The following VPS16 variants were observed in gnomAD, a reference collection of about 807,000 sequenced individuals.
VPS16 encodes VPS16 core subunit of CORVET and HOPS complexes.
VPS16 carries 82 observed loss-of-function variants against 116.0 expected under a neutral mutation model. The observed-to-expected ratio is 0.71, with a 90% CI of 0.59 to 0.85. VPS16 has a LOEUF of 0.85. Ranked by LOEUF, VPS16 falls within the 40% of genes least tolerant of loss-of-function variation. The pLI, the probability that VPS16 is intolerant of heterozygous loss-of-function variation, is 0.00. For synonymous variants in VPS16, 406 were observed against 420.7 expected, an observed-to-expected ratio of 0.96 and a Z score of 0.43; for missense variants, 928 against 1,090.6, an observed-to-expected ratio of 0.85 and a Z score of 2.10.
rs1401889088 is a variant in VPS16 at position 2,842,730 on chromosome 20, C to CTATATATAGATACATATAGATG, written c.53+1906_53+1907insATATAGATACATATAGATGTAT. Among the ~76,000 whole-genome samples, 4 of 78,316 alleles carry CTATATATAGATACATATAGATG rather than the reference C, an allele frequency of 5.1e-5. No individual in the cohort carries two copies. In the South Asian group the frequency reaches 1.6e-3, roughly 32 times the overall value. 51.4% of individuals were successfully genotyped at this position (78,316 alleles called of 152,430 possible). On this transcript the variant is annotated intron_variant, in intron 1 of 23. Transcript: ENST00000380445. ...TATATAGATAGACATATGGATGTATCTATCTATAGATACATATAGATGTAT... is the reference window on the plus strand; with the variant it reads ...TATATAGATAGACATATGGATGTATCTATATATAGATACATATAGATGTATCTATAGATACATATAGATGTAT...
chr20:2,842,970 A>T (rs2089023615), intron 1 of VPS16, among the ~76,000 whole-genome samples: 1 of 150,798 alleles, frequency 6.6e-6, no homozygotes, highest in Non-Finnish European at 1.5e-5. Flanking sequence ...AATAGAAGAC[A>T]TTTGTTTGTG....
In VPS16 at chr20:2,861,722, C is replaced by A. The variant is rs745557621; in HGVS notation, c.899+18C>A. The A allele has an allele frequency of 6.2e-7, 1 of 1,612,286 alleles. No individual in the cohort carries two copies. The highest frequency in any genetic ancestry group is 1.7e-5 in the Admixed American group (1 of 59,724). On this transcript the variant is annotated intron_variant, in intron 9 of 23. Coordinates refer to ENST00000380445, the MANE Select transcript of VPS16 (RefSeq NM_022575.4). The stretch of plus-strand genomic sequence containing the variant: ...AGCATCCAGTATCCTTGGAGGGCTG[C>A]CTGTGTGTGGAGAGAGGGGAGGGGA...
At chr20:2,853,993 A>C (rs1224303179) in intron 1 of VPS16, among the ~76,000 whole-genome samples, 1 of 152,096 alleles carries the variant, frequency 6.6e-6, no homozygotes, top group Non-Finnish European at 1.5e-5. Context: ...AGTGTTCTTA[A>C]TGGCATCTAC....
Position 2,862,231 on chromosome 20 carries a change from C to T in VPS16, c.1071+101C>T. 2.2e-6 allele frequency: 3 copies of T among 1,373,266 alleles called. No homozygotes were observed. The South Asian group carries it at 4.1e-5, about 19-fold the overall frequency. 85.1% of individuals were successfully genotyped at this position (1,373,266 alleles called of 1,614,324 possible). A position where few individuals can be genotyped will look rare whatever the true frequency, so the allele number is the denominator to read the frequency against. On this transcript the variant is annotated intron_variant, in intron 11 of 23. Coordinates refer to ENST00000380445, the MANE Select transcript of VPS16 (RefSeq NM_022575.4). ...GGTGCCACCTGTCAAGAGAGGGGTC[C>T]AGGCAGGACACTGGTCTGGGCTGGG... is the stretch of plus-strand genomic sequence containing the variant.
rs535653074 is a variant in VPS16, at chr20:2,859,288, C to CA, written c.54-425dup. Among the ~76,000 whole-genome samples, 748 of 152,230 alleles carry CA rather than the reference C, an allele frequency of 4.9e-3. 5 individuals are homozygous for CA. Among genetic ancestry groups the CA allele is most frequent in the African/African-American group, 0.017 (694 of 41,536 alleles). ...TGGGCAACACACTGAGACCCTCTCT[C>CA]AAAAAAGAAGGACTAGAAATAGAAG... On this transcript the variant is annotated intron_variant, in intron 1 of 23. Coordinates refer to ENST00000380445, the MANE Select transcript of VPS16 (RefSeq NM_022575.4).
chr20:2,852,293 G>A (rs746575086), intron 1 of VPS16, among the ~76,000 whole-genome samples: 3 of 152,034 alleles, frequency 2.0e-5, no homozygotes, highest in East Asian at 1.9e-4. Context: ...TCCTTCCAGC[G>A]CCCTCTGCTG....
rs767017554 is a variant in VPS16, at chr20:2,866,604, G to C, written c.*30G>C. On this transcript the variant is annotated 3_prime_UTR_variant, in exon 24 of 24. Transcript: ENST00000380445. ...TCCATCCTGTACATCTCAAGCAAGG[G>C]GTTCCTCCCCTAGCACCTGGGCTTG... 1 of 1,611,662 alleles carries C rather than the reference G, an allele frequency of 6.2e-7. No homozygotes were observed. Among genetic ancestry groups the C allele is most frequent in the Non-Finnish European group, 8.5e-7 (1 of 1,178,910 alleles).
At chr20:2,853,411 A>C (rs1409221607) in intron 1 of VPS16, among the ~76,000 whole-genome samples, 5 of 150,086 alleles carry the variant, frequency 3.3e-5, no homozygotes, top group Non-Finnish European at 7.4e-5. Flanking sequence ...CAACAACAAA[A>C]AAAAAAAACC....
Position 2,861,642 on chromosome 20 carries a change from G to A in VPS16, c.837G>A (p.Arg279=), listed in dbSNP as rs2089228945. The change falls in exon 9 of 24, where the codon AGG becomes AGA. Residue 279 remains arginine (R), a synonymous_variant. Coordinates refer to ENST00000380445, the MANE Select transcript of VPS16 (RefSeq NM_022575.4). ...GCAGCCGTCCTCGTAGCAAGGAGAG[G>A]GCCGTGGTGGTGGCCTGGGAAAGGC... ...VWCSRPRSKE[R]AVVVAWERRL... 6.2e-7 allele frequency: 1 copy of A among 1,612,978 alleles called. No individual in the cohort carries two copies. The highest frequency in any genetic ancestry group is 8.5e-7 in the Non-Finnish European group (1 of 1,179,852).
In VPS16 at chr20:2,861,879, A is replaced by AG; in HGVS notation, c.975dup (p.Phe326ValfsTer4). 8 of 1,613,746 alleles carry AG rather than the reference A, an allele frequency of 5.0e-6. No individual in the cohort carries two copies. Among genetic ancestry groups the AG allele is most frequent in the Non-Finnish European group, 6.8e-6 (8 of 1,179,918 alleles). ...CGCATCTTCTCCCGCAGCACCCACGAGTTCCTGCATGAGGTTCCAGGTGAG... is the reference window on the plus strand; with the variant it reads ...CGCATCTTCTCCCGCAGCACCCACGAGGTTCCTGCATGAGGTTCCAGGTGAG... On this transcript the variant is annotated frameshift_variant, in exon 10 of 24. Transcript: ENST00000380445. LOFTEE classifies it high-confidence loss of function.
rs1161165222 is a variant in VPS16, at chr20:2,861,855, G to A, written c.950G>A (p.Arg317His). The change falls in exon 10 of 24, where the codon CGC becomes CAC. Residue 317 changes from arginine to histidine, a missense_variant. Arg to His is a conservative substitution (Grantham distance 29, BLOSUM62 0). Coordinates refer to ENST00000380445, the MANE Select transcript of VPS16 (RefSeq NM_022575.4). ...CTGGTGCCTGAGCTCGATGGGGTCC[G>A]CATCTTCTCCCGCAGCACCCACGAG... ...SYLVPELDGV[R>H]IFSRSTHEFL... The A allele has an allele frequency of 3.1e-6, 5 of 1,613,570 alleles. No homozygotes were observed. The highest frequency in any genetic ancestry group is 2.2e-5 in the South Asian group (2 of 90,906).
chr20:2,841,112 G>T (rs561315878), intron 1 of VPS16: 1 of 494,988 alleles, frequency 2.0e-6, no homozygotes, highest in Non-Finnish European at 3.6e-6. Context: ...CAGCTCGCGG[G>T]TGACAGCGAG....
At position 2,863,439 on chromosome 20, in the gene VPS16, C is replaced by T; in HGVS notation, c.1476+41C>T. On this transcript the variant is annotated intron_variant, in intron 15 of 23. Coordinates refer to ENST00000380445, the MANE Select transcript of VPS16 (RefSeq NM_022575.4). This position sits in a 1 kb window ranked among gnomAD's most constrained non-coding sequence, Gnocchi z 4.4. ...GGGGTCCAAGGGCATTTAGAGGATT[C>T]CAGGCCCTGGTGAGGTGGAGGAAAT... 1 of 1,592,630 alleles carries T rather than the reference C, an allele frequency of 6.3e-7. No homozygotes were observed. Among genetic ancestry groups the T allele is most frequent in the Admixed American group, 1.7e-5 (1 of 59,890 alleles).
intron 1 of VPS16, among the ~76,000 whole-genome samples, chr20:2,842,719 T>TCCAG (rs1568620704): frequency 2.5e-5 from 2 of 80,402 alleles, no homozygotes; most frequent in Non-Finnish European, 4.8e-5. Context: ...TAGATAGACA[T>TCCAG]ATGGATGTAT....
chr20:2,842,008 G>A (rs1321651791), intron 1 of VPS16, among the ~76,000 whole-genome samples: 2 of 152,112 alleles, frequency 1.3e-5, no homozygotes, highest in Non-Finnish European at 2.9e-5. Context: ...ATCCACCTTG[G>A]CCTCCCAAAG....
intron 13 of VPS16, 23 bp downstream of exon 13, chr20:2,862,957 G>T (rs759384503): frequency 8.1e-6 from 13 of 1,613,570 alleles, no homozygotes; most frequent in African/African-American, 4.0e-5. Flanking sequence ...ACGCCAGAAG[G>T]GTACCCTACA....
At chr20:2,856,215 G>A (rs1057124829) in intron 1 of VPS16, among the ~76,000 whole-genome samples, 13 of 152,132 alleles carry the variant, frequency 8.5e-5, no homozygotes, top group Non-Finnish European at 1.6e-4. Context: ...AGAGAGAGAC[G>A]ATCGGGGAAC....
At chr20:2,851,294 G>A (rs1478390228) in intron 1 of VPS16, among the ~76,000 whole-genome samples, 1 of 152,154 alleles carries the variant, frequency 6.6e-6, no homozygotes, top group African/African-American at 2.4e-5. Flanking sequence ...CAGGCAGGAG[G>A]CCTGCAACAC....
rs2089268486 is a variant in VPS16, at chr20:2,863,537, C to T, written c.1476+139C>T. The T allele has an allele frequency of 6.1e-6, 5 of 817,356 alleles. No homozygotes were observed. Among genetic ancestry groups the T allele is most frequent in the South Asian group, 3.4e-5 (2 of 59,238 alleles). The allele number at this position is 817,356 out of a possible 1,614,324, so 50.6% of individuals were successfully genotyped here. ...CAACACTTTGGGAGGCTGAGGCGGG[C>T]GAATCACCTGAGGTCAGGTATTCGA... On this transcript the variant is annotated intron_variant, in intron 15 of 23. Coordinates refer to ENST00000380445, the MANE Select transcript of VPS16 (RefSeq NM_022575.4). This position sits in a 1 kb window ranked among gnomAD's most constrained non-coding sequence, Gnocchi z 4.4.
Sources: gnomAD v4.1 joint callset for allele counts (sites outside exome capture counted in the v4.1 genomes callset) on GRCh38, gnomAD v4.1.1 for gene constraint, Gnocchi (gnomAD v3.1) non-coding constraint, MANE v1.5 for transcripts, NCBI Gene and HGNC (gene_info 2026-07-23, HGNC 2026-07-21) for gene names.